UGT2B4: variants seen among roughly 807,000 people sequenced by gnomAD.
UGT2B4 encodes the protein UDP-glucuronosyltransferase 2B4.
UGT2B4 carries 49 observed loss-of-function variants against 49.8 expected under a neutral mutation model. That is an observed-to-expected ratio of 0.98 (90% CI 0.78 to 1.25). The LOEUF (loss-of-function observed/expected upper bound fraction) is 1.25, where lower values mean the gene tolerates loss of function less well. Ranked by LOEUF, UGT2B4 falls within the 50% of genes most tolerant of loss-of-function variation. The pLI, the probability that UGT2B4 is intolerant of heterozygous loss-of-function variation, is 0.00. For missense variants in UGT2B4, 729 were observed against 627.7 expected (o/e 1.16, Z -1.73); for synonymous variants, 246 against 217.7 (o/e 1.13, Z -1.14).
chr4:69,506,437 T>C (rs891628356), intron 1 of UGT2B4, among the ~76,000 whole-genome samples: 29 of 152,122 alleles, frequency 1.9e-4, no homozygotes, highest in Non-Finnish European at 5.9e-5. Context: ...CATCAGAGAA[T>C]ATTATGAACA....
intron 2 of UGT2B4, among the ~76,000 whole-genome samples, chr4:69,491,701 T>A (rs1364761100): frequency 6.6e-6 from 1 of 152,120 alleles, no homozygotes; most frequent in African/African-American, 2.4e-5. Flanking sequence ...CTTTTTCTTA[T>A]CCTTCCACAC....
chr4:69,493,656 A>G, intron 2 of UGT2B4, 37 bp downstream of exon 2: 1 of 1,582,412 alleles, frequency 6.3e-7, no homozygotes, highest in Non-Finnish European at 8.5e-7. Context: ...TTCGTACTGA[A>G]ACTTCAAAGC....
chr4:69,513,884 T>C lies in UGT2B4; in HGVS notation c.-106+11803A>G, dbSNP rs183910938. ...AATTTGGCTCTCTGCTTCCCTGCTG[T>C]TGATGCATAAGAATGCCAGTGATTT... On this transcript the variant is annotated intron_variant, in intron 1 of 1. Transcript: ENST00000510114. Among the ~76,000 whole-genome samples, 78 of 152,318 alleles carry C rather than the reference T, an allele frequency of 5.1e-4. 1 individual carries two copies. The highest frequency in any genetic ancestry group is 4.1e-3 in the South Asian group (20 of 4,820).
chr4:69,510,901 A>G (rs1728586944), intron 1 of UGT2B4, among the ~76,000 whole-genome samples: 1 of 152,030 alleles, frequency 6.6e-6, no homozygotes, highest in Non-Finnish European at 1.5e-5. Context: ...ATTAGATAAG[A>G]ACATTTCAGT....
intron 1 of UGT2B4, among the ~76,000 whole-genome samples, chr4:69,510,796 C>T (rs1370667480): frequency 6.6e-6 from 1 of 151,762 alleles, no homozygotes; most frequent in East Asian, 1.9e-4. Flanking sequence ...GTGTTATATA[C>T]TTTTATTTAT....
intron 1 of UGT2B4, among the ~76,000 whole-genome samples, chr4:69,501,276 G>A (rs1249257421): frequency 1.3e-5 from 2 of 152,082 alleles, no homozygotes; most frequent in Non-Finnish European, 2.9e-5. Flanking sequence ...TCCCTCAGCT[G>A]TTGCAAATCT....
chr4:69,480,500 G>C lies in UGT2B4; in HGVS notation c.*134C>G. On this transcript the variant is annotated 3_prime_UTR_variant, in exon 6 of 6. Transcript: ENST00000305107. ...TTAAACAGGTACTAAAACAAATTTT[G>C]ACTTGACAAGGTAAGTTTTGAAAGA... 7.1e-7 allele frequency: 1 copy of C among 1,399,876 alleles called. No homozygotes were observed. The highest frequency in any genetic ancestry group is 9.6e-7 in the Non-Finnish European group (1 of 1,043,666). The allele number at this position is 1,399,876 out of a possible 1,614,324, so 86.7% of individuals were successfully genotyped here.
chr4:69,482,607 T>C (rs1727626781), intron 5 of UGT2B4, among the ~76,000 whole-genome samples: 1 of 147,968 alleles, frequency 6.8e-6, no homozygotes, highest in Non-Finnish European at 1.5e-5. Flanking sequence ...TATATACTCC[T>C]TTTTTTTTCC....
Position 69,495,827 on chromosome 4 carries a change from A to C in UGT2B4, c.35T>G (p.Ile12Arg). 1.2e-6 allele frequency: 2 copies of C among 1,607,368 alleles called. No individual in the cohort carries two copies. The highest frequency in any genetic ancestry group is 1.7e-6 in the Non-Finnish European group (2 of 1,178,040). The change falls in exon 1 of 6, where the codon ATA becomes AGA. Residue 12 changes from isoleucine (I) to arginine (R), a missense_variant. By Grantham distance (97) the Ile-to-Arg change is moderately conservative (BLOSUM62 -3). Transcript: ENST00000305107. ...SMKWTSALLL[I>R]QLSCYFSSGS... ...AGAGCTAAAGTAACAGCTCAGCTGT[A>C]TCAGCAGAAGAGCTGAAGTCCATTT...
chr4:69,486,770 A>G (rs1727800320), intron 3 of UGT2B4, 74 bp from the exon 4 acceptor site: 1 of 1,153,294 alleles, frequency 8.7e-7, no homozygotes, highest in Non-Finnish European at 1.3e-6. Context: ...ATCTAAAGAG[A>G]TTAACAATGA....
In UGT2B4 at chr4:69,493,354, G is replaced by A. The variant is rs902783700; in HGVS notation, c.870+339C>T. Among the ~76,000 whole-genome samples, 30 of 151,932 alleles carry A rather than the reference G, an allele frequency of 2.0e-4. 1 individual carries two copies. Among genetic ancestry groups the A allele is most frequent in the Admixed American group, 1.9e-3 (29 of 15,230 alleles). On this transcript the variant is annotated intron_variant, in intron 2 of 5. Transcript: ENST00000305107. Reference sequence around the variant, plus strand: ...TCAAAATAGAATGTAAGGTGTGTTGGGATAGAAACTGTGTCCCATACACGT... The same window carrying A: ...TCAAAATAGAATGTAAGGTGTGTTGAGATAGAAACTGTGTCCCATACACGT...
intron 1 of UGT2B4, among the ~76,000 whole-genome samples, chr4:69,507,644 G>C (rs1157226566): frequency 1.3e-5 from 2 of 151,620 alleles, no homozygotes; most frequent in Non-Finnish European, 3.0e-5. Flanking sequence ...TGGCCATACT[G>C]TACAAAGCCA....
chr4:69,501,673 C>T (rs996608958), intron 1 of UGT2B4, among the ~76,000 whole-genome samples: 1 of 152,088 alleles, frequency 6.6e-6, no homozygotes, highest in African/African-American at 2.4e-5. Flanking sequence ...CCTTAGCTGA[C>T]AGAGTTTTCA....
intron 1 of UGT2B4, among the ~76,000 whole-genome samples, chr4:69,514,350 G>A (rs754832459): frequency 3.6e-4 from 54 of 151,870 alleles, no homozygotes; most frequent in African/African-American, 4.6e-4. Context: ...TTGGTTTTTC[G>A]TCCTTGCAAT....
At chr4:69,488,200 G>A (rs1026238210) in intron 3 of UGT2B4, among the ~76,000 whole-genome samples, 10 of 152,060 alleles carry the variant, frequency 6.6e-5, no homozygotes, top group Non-Finnish European at 8.8e-5. Context: ...GTAGAAATAA[G>A]GAACCTGTTG....
Position 69,495,368 on chromosome 4 carries a change from T to A in UGT2B4, c.494A>T (p.Lys165Ile). ...PFGELLAELL[K>I]IPFVYSLRFS... Reference sequence around the variant, plus strand: ...GCGGAGGCTGTAGACAAAGGGTATTTTAAGTAACTCGGCCAGCAGCTCACC... The same window carrying A: ...GCGGAGGCTGTAGACAAAGGGTATTATAAGTAACTCGGCCAGCAGCTCACC... The change falls in exon 1 of 6, where the codon AAA (lysine) becomes ATA (isoleucine). Residue 165 changes from lysine (K) to isoleucine (I), a missense_variant. Lys to Ile is a moderately radical substitution (Grantham distance 102). Coordinates refer to ENST00000305107, the MANE Select transcript of UGT2B4 (RefSeq NM_021139.3). 6.2e-7 allele frequency: 1 copy of A among 1,613,904 alleles called. No individual in the cohort carries two copies. Among genetic ancestry groups the A allele is most frequent in the Non-Finnish European group, 8.5e-7 (1 of 1,179,952 alleles).
At chr4:69,506,232 A>G (rs781381729) in intron 1 of UGT2B4, among the ~76,000 whole-genome samples, 2 of 152,144 alleles carry the variant, frequency 1.3e-5, no homozygotes, top group African/African-American at 2.4e-5. Context: ...ATCAGAGATG[A>G]ACTGAAAGAG....
chr4:69,518,417 C>T (rs978561457), intron 1 of UGT2B4: 1 of 152,218 alleles, frequency 6.6e-6, no homozygotes, highest in African/African-American at 2.4e-5. Context: ...AGCTACCTCA[C>T]ACACTGCTGT....
At chr4:69,484,614 T>C (rs1355278294) in intron 5 of UGT2B4, among the ~76,000 whole-genome samples, 1 of 152,190 alleles carries the variant, frequency 6.6e-6, no homozygotes, top group Non-Finnish European at 1.5e-5. Context: ...AAATTGGTGT[T>C]AGCCTAGGGC....
Sources: gnomAD v4.1 joint callset for allele counts (sites outside exome capture counted in the v4.1 genomes callset) on GRCh38, gnomAD v4.1.1 for gene constraint, MANE v1.5 for transcripts, NCBI Gene and HGNC (gene_info 2026-07-23, HGNC 2026-07-21) for gene names.